SCN11A: variants seen among roughly 807,000 people sequenced by gnomAD.
SCN11A encodes sodium voltage-gated channel alpha subunit 11.
Under a neutral mutation model 162.2 loss-of-function variants are expected in SCN11A, and 122 were observed. The ratio of observed to expected loss-of-function variants is 0.75; its 90% CI spans 0.65 to 0.87. The LOEUF is 0.87. SCN11A is among the 40% of genes least tolerant of loss of function. SCN11A has a pLI of 0.00. For synonymous variants in SCN11A, 758 were observed against 751.5 expected (o/e 1.01, Z -0.14); for missense variants, 2,015 against 2,181.6 (o/e 0.92, Z 1.52).
chr3:38,884,519 T>C (rs1451207077), intron 21 of SCN11A, among the ~76,000 whole-genome samples: 1 of 152,240 alleles, frequency 6.6e-6, no homozygotes, highest in African/African-American at 2.4e-5. Context: ...TATCAACATT[T>C]GTTGAACCCA....
intron 9 of SCN11A, among the ~76,000 whole-genome samples, chr3:38,923,248 A>G (rs1048368026): frequency 6.6e-6 from 1 of 152,092 alleles, no homozygotes; most frequent in Non-Finnish European, 1.5e-5. Context: ...CCTGGGGCTC[A>G]GACCTTGGTC....
intron 2 of SCN11A, among the ~76,000 whole-genome samples, chr3:38,965,757 GAC>G (rs1014110882): frequency 9.2e-5 from 14 of 152,174 alleles, no homozygotes; most frequent in African/African-American, 3.4e-4. Flanking sequence ...CAATTTGGAA[GAC>G]ACAGATTCGA....
chr3:38,908,443 T>C (rs1268119732), intron 13 of SCN11A, among the ~76,000 whole-genome samples: 2 of 152,274 alleles, frequency 1.3e-5, no homozygotes, highest in East Asian at 1.9e-4. Flanking sequence ...GCACTTACGA[T>C]GGGCATCCTT....
intron 7 of SCN11A, among the ~76,000 whole-genome samples, chr3:38,933,991 A>G (rs2066286799): frequency 6.6e-6 from 1 of 152,376 alleles, no homozygotes; most frequent in South Asian, 2.1e-4. Flanking sequence ...CGGGTTACCC[A>G]CAAAGGGAAG....
chr3:38,980,294 G>C (rs2029979994), intron 2 of SCN11A, among the ~76,000 whole-genome samples: 1 of 152,114 alleles, frequency 6.6e-6, no homozygotes, highest in Non-Finnish European at 1.5e-5. Context: ...CATGGATCCT[G>C]GGAAAACCAT....
chr3:38,909,416 G>C (rs1450719128), intron 12 of SCN11A, among the ~76,000 whole-genome samples: 2 of 152,010 alleles, frequency 1.3e-5, no homozygotes, highest in African/African-American at 2.4e-5. Flanking sequence ...GGAAGTTTCA[G>C]TGACTTTACT....
At chr3:39,047,764 T>TA (rs2032219104) in intron 1 of SCN11A, among the ~76,000 whole-genome samples, 1 of 151,818 alleles carries the variant, frequency 6.6e-6, no homozygotes, top group Admixed American at 6.6e-5. Context: ...AGCCAACAAA[T>TA]ACATGAAAAA....
At chr3:38,976,286 CTTA>C (rs760220011) in intron 2 of SCN11A, among the ~76,000 whole-genome samples, 62 of 152,230 alleles carry the variant, frequency 4.1e-4, no homozygotes, top group Non-Finnish European at 6.8e-4. Context: ...AGTTTCCATA[CTTA>C]TGAGGACTGT....
At chr3:38,952,840 T>C (rs1341698688) in intron 4 of SCN11A, among the ~76,000 whole-genome samples, 2 of 152,124 alleles carry the variant, frequency 1.3e-5, no homozygotes, top group African/African-American at 4.8e-5. Flanking sequence ...AAGAACATGA[T>C]GTCCAGCAAC....
intron 6 of SCN11A, among the ~76,000 whole-genome samples, chr3:38,946,478 T>C (rs1448085658): frequency 6.6e-6 from 1 of 152,236 alleles, no homozygotes; most frequent in East Asian, 1.9e-4. Flanking sequence ...TAGATGCACC[T>C]TCCTCTAAGA....
intron 2 of SCN11A, among the ~76,000 whole-genome samples, chr3:39,015,170 T>C (rs542385931): frequency 1.3e-4 from 20 of 152,358 alleles, no homozygotes; most frequent in South Asian, 6.2e-4. Flanking sequence ...ATGGGTGTGA[T>C]TGGTGCTGTT....
chr3:38,990,648 C>G (rs1253732558), intron 2 of SCN11A, among the ~76,000 whole-genome samples: 1 of 152,178 alleles, frequency 6.6e-6, no homozygotes, highest in Admixed American at 6.5e-5. Context: ...ACCACATGCT[C>G]TGTGCCAAAT....
At chr3:38,979,441 A>G (rs922652134) in intron 2 of SCN11A, among the ~76,000 whole-genome samples, 2 of 152,222 alleles carry the variant, frequency 1.3e-5, no homozygotes, top group Non-Finnish European at 2.9e-5. Flanking sequence ...TTTGAGAGTC[A>G]GTGCTTTCTG....
intron 2 of SCN11A, among the ~76,000 whole-genome samples, chr3:39,002,523 C>T (rs1041148682): frequency 6.6e-6 from 1 of 152,196 alleles, no homozygotes; most frequent in African/African-American, 2.4e-5. Flanking sequence ...ACTGAAGGTT[C>T]AAAACCATTT....
intron 11 of SCN11A, among the ~76,000 whole-genome samples, chr3:38,917,804 A>C (rs2065983611): frequency 6.6e-6 from 1 of 152,202 alleles, no homozygotes; most frequent in Non-Finnish European, 1.5e-5. Context: ...CTTAAAATAA[A>C]AGCTAAAAAG....
intron 2 of SCN11A, among the ~76,000 whole-genome samples, chr3:38,974,709 A>AAAAAAAAAAAAAG (rs1553647127): frequency 2.3e-5 from 3 of 130,374 alleles, no homozygotes; most frequent in African/African-American, 2.8e-5. Context: ...AAAAAAAAAA[A>AAAAAAAAAAAAAG]AAAAGAAAAG....
chr3:38,886,204 G>A lies in SCN11A; in HGVS notation c.2870C>T (p.Thr957Met), dbSNP rs752776956. The change falls in exon 20 of 30, where the codon ACG becomes ATG. Residue 957 changes from threonine to methionine, a missense_variant. Coordinates refer to ENST00000302328, the MANE Select transcript of SCN11A (RefSeq NM_001349253.2). ...TTCCACACTTTGAACTCTCTGGCTC[G>A]TGGGCTTCTTGTTCTCCTGATGGAG... The part of the protein sequence containing the change: ...YELHQENKKP[T>M]SQRVQSVEID... 23 of 1,612,638 alleles carry A rather than the reference G, an allele frequency of 1.4e-5. No individual in the cohort carries two copies. The highest frequency in any genetic ancestry group is 7.7e-5 in the South Asian group (7 of 91,006).
intron 2 of SCN11A, among the ~76,000 whole-genome samples, chr3:38,992,875 G>A (rs1429685503): frequency 6.6e-6 from 1 of 152,130 alleles, no homozygotes; most frequent in East Asian, 1.9e-4. Context: ...CTTCCATTTT[G>A]CTTTTGTTCA....
intron 1 of SCN11A, among the ~76,000 whole-genome samples, chr3:39,039,539 A>T (rs1292293814): frequency 6.6e-6 from 1 of 152,140 alleles, no homozygotes; most frequent in African/African-American, 2.4e-5. Context: ...CATACAGAAG[A>T]CTGAGTGCCA....
Sources: allele counts gnomAD v4.1 joint callset (sites outside exome capture counted in the v4.1 genomes callset), GRCh38; gene constraint gnomAD v4.1.1; transcripts MANE v1.5; gene names NCBI Gene and HGNC (gene_info 2026-07-23, HGNC 2026-07-21).